Variants in MINDY3 observed in about 807,000 individuals in gnomAD.
MINDY3 encodes the protein MINDY lysine 48 deubiquitinase 3, also known as ubiquitin carboxyl-terminal hydrolase MINDY-3.
Under a neutral mutation model 69.2 loss-of-function variants are expected in MINDY3, and 38 were observed. The ratio of observed to expected loss-of-function variants is 0.55; its 90% CI spans 0.42 to 0.72. MINDY3 has a LOEUF of 0.72. Among genes scored for constraint, MINDY3 ranks in the 30% least tolerant of loss-of-function variants. The pLI is 0.00. For missense variants in MINDY3, 522 were observed against 519.0 expected, an observed-to-expected ratio of 1.01 and a Z score of -0.06; for synonymous variants, 192 against 180.1, an observed-to-expected ratio of 1.07 and a Z score of -0.53.
At chr10:15,837,488 A>G in intron 5 of MINDY3, 170 bp from the exon 6 acceptor site, 1 of 1,410,340 alleles carries the variant, frequency 7.1e-7, no homozygotes, top group Non-Finnish European at 9.6e-7. Context: ...ACCAAAAGCT[A>G]TTTCTGACAA....
intron 8 of MINDY3, among the ~76,000 whole-genome samples, chr10:15,828,577 G>T (rs1409590818): frequency 8.6e-6 from 1 of 116,176 alleles, no homozygotes; most frequent in Non-Finnish European, 1.7e-5. Context: ...AAAGCTATAA[G>T]TAAAAAAAAA....
chr10:15,798,321 A>C (rs111632197), intron 10 of MINDY3, among the ~76,000 whole-genome samples: 5 of 152,236 alleles, frequency 3.3e-5, no homozygotes, highest in African/African-American at 9.6e-5. Flanking sequence ...CGCTGTTTAC[A>C]TAGTAGAGGG....
intron 13 of MINDY3, 35 bp downstream of exon 13, chr10:15,786,524 CAG>C: frequency 8.3e-7 from 1 of 1,208,622 alleles, no homozygotes; most frequent in Non-Finnish European, 1.2e-6. Context: ...ATCATCCCAA[CAG>C]AATAACAATG....
rs1022223441 is a variant in MINDY3 at position 15,815,454 on chromosome 10, A to C, written c.882+1381T>G. Among the ~76,000 whole-genome samples the C allele has an allele frequency of 5.3e-5, 8 of 152,322 alleles. No homozygotes were observed. The South Asian group carries it at 1.7e-3, about 32-fold the overall frequency. On this transcript the variant is annotated intron_variant, in intron 10 of 14. Transcript: ENST00000277632. ...TAGCATTGTCAATTCAGACTAGAGT[A>C]TAATTTATACCACTTGTACTTTCTA...
intron 6 of MINDY3, among the ~76,000 whole-genome samples, chr10:15,835,504 T>C (rs533047313): frequency 2.6e-5 from 4 of 152,122 alleles, no homozygotes; most frequent in Non-Finnish European, 5.9e-5. Flanking sequence ...AATCAGGCTA[T>C]GATAATGTCA....
At chr10:15,796,199 A>ACC in intron 10 of MINDY3, 27 bp from the exon 11 acceptor site, 1 of 1,576,558 alleles carries the variant, frequency 6.3e-7, no homozygotes, top group East Asian at 2.2e-5. Flanking sequence ...CATGTTGTCA[A>ACC]CCAGCTACAG....
rs1832938922 is a variant in MINDY3 at position 15,834,415 on chromosome 10, A to T, written c.650+128T>A. The stretch of plus-strand genomic sequence containing the variant: ...AATGCATAATACAAAGAAGTGCTCA[A>T]ATCCATACATGTTGTACTGTCAACA... On this transcript the variant is annotated intron_variant, in intron 7 of 14. Transcript: ENST00000277632. 5.3e-6 allele frequency: 3 copies of T among 568,764 alleles called. No homozygotes were observed. In the South Asian group the frequency reaches 8.7e-5, roughly 17 times the overall value. The allele number at this position is 568,764 out of a possible 1,614,324, so 35.2% of individuals were successfully genotyped here.
chr10:15,818,483 T>C (rs1486226841), intron 9 of MINDY3, among the ~76,000 whole-genome samples: 2 of 152,154 alleles, frequency 1.3e-5, no homozygotes, highest in African/African-American at 4.8e-5. Flanking sequence ...AATTACTGTA[T>C]GACCAGTAAT....
intron 8 of MINDY3, among the ~76,000 whole-genome samples, chr10:15,823,265 T>A (rs923561754): frequency 2.0e-5 from 3 of 152,176 alleles, no homozygotes; most frequent in Non-Finnish European, 4.4e-5. Context: ...GTTCTTCAAT[T>A]GTGGTTTAGG....
intron 2 of MINDY3, among the ~76,000 whole-genome samples, chr10:15,845,090 A>C (rs1273991215): frequency 1.9e-5 from 2 of 108,060 alleles, no homozygotes; most frequent in Admixed American, 2.1e-4. Context: ...TGTTTCTCTT[A>C]GAGTGTTGAT....
intron 14 of MINDY3, among the ~76,000 whole-genome samples, chr10:15,781,395 T>C (rs980032523): frequency 5.4e-5 from 8 of 147,700 alleles, no homozygotes; most frequent in Admixed American, 6.8e-5. Context: ...AACTAATACA[T>C]ATATATTATA....
intron 14 of MINDY3, among the ~76,000 whole-genome samples, chr10:15,779,932 A>G (rs867044518): frequency 6.6e-6 from 1 of 152,288 alleles, no homozygotes; most frequent in Non-Finnish European, 1.5e-5. Context: ...CAAAAACCCT[A>G]ACTCATTACC....
chr10:15,816,857 T>G lies in MINDY3; in HGVS notation c.860A>C (p.His287Pro), dbSNP rs991116269. 27 of 1,613,074 alleles carry G rather than the reference T, an allele frequency of 1.7e-5. No homozygotes were observed. The highest frequency in any genetic ancestry group is 2.3e-5 in the Non-Finnish European group (27 of 1,179,520). ...FPIWIVGSET[H>P]LTVFFAKDMA... ...TACCTTGGCAAAAAATACGGTGAGG[T>G]GAGTCTCACTGCCAACAATCCAAAT... The change falls in exon 10 of 15, where the codon CAC (histidine) becomes CCC (proline). Residue 287 changes from histidine (H) to proline (P), a missense_variant. Coordinates refer to ENST00000277632, the MANE Select transcript of MINDY3 (RefSeq NM_024948.4).
chr10:15,858,273 T>G (rs1834835784), intron 1 of MINDY3, among the ~76,000 whole-genome samples: 1 of 152,210 alleles, frequency 6.6e-6, no homozygotes, highest in Non-Finnish European at 1.5e-5. Context: ...AAATCCTTTA[T>G]TTTGAAATGG....
At chr10:15,815,296 T>G (rs1236659290) in intron 10 of MINDY3, among the ~76,000 whole-genome samples, 1 of 152,232 alleles carries the variant, frequency 6.6e-6, no homozygotes, top group Non-Finnish European at 1.5e-5. Context: ...AACTCTGTAC[T>G]TTTAGCATTT....
At chr10:15,799,959 G>C (rs557905091) in intron 10 of MINDY3, among the ~76,000 whole-genome samples, 1 of 152,176 alleles carries the variant, frequency 6.6e-6, no homozygotes, top group Admixed American at 6.5e-5. Context: ...GGAAAATATT[G>C]AAAACTTATG....
At chr10:15,805,180 T>C (rs1332048582) in intron 10 of MINDY3, among the ~76,000 whole-genome samples, 2 of 151,966 alleles carry the variant, frequency 1.3e-5, no homozygotes, top group Non-Finnish European at 2.9e-5. Flanking sequence ...TCCGTCAAGC[T>C]TTTCTTGAAG....
At chr10:15,855,033 T>C (rs2132149728) in intron 1 of MINDY3, among the ~76,000 whole-genome samples, 1 of 152,238 alleles carries the variant, frequency 6.6e-6, no homozygotes, top group Non-Finnish European at 1.5e-5. Flanking sequence ...AATTAAAGTG[T>C]GAATTAGTAA....
In MINDY3 at chr10:15,847,005, G is replaced by A. The variant is rs528504432; in HGVS notation, c.174+859C>T. Among the ~76,000 whole-genome samples the A allele has an allele frequency of 3.3e-5, 5 of 152,172 alleles. No homozygotes were observed. The South Asian group carries it at 8.3e-4, about 25-fold the overall frequency. On this transcript the variant is annotated intron_variant, in intron 2 of 14. Coordinates refer to ENST00000277632, the MANE Select transcript of MINDY3 (RefSeq NM_024948.4). ...CCCAAAGTGGTAGGATTACAGGTGC[G>A]AGCCACCGTGCCTGGCCAGAATGCA...
Sources: allele counts gnomAD v4.1 joint callset (sites outside exome capture counted in the v4.1 genomes callset), GRCh38; gene constraint gnomAD v4.1.1; transcripts MANE v1.5; gene names NCBI Gene and HGNC (gene_info 2026-07-23, HGNC 2026-07-21).